MTUS2: variants seen among roughly 807,000 people sequenced by gnomAD.
MTUS2 encodes microtubule-associated tumor suppressor candidate 2.
Under a neutral mutation model 114.1 loss-of-function variants are expected in MTUS2, and 40 were observed. The observed-to-expected ratio is 0.35, with a 90% confidence interval of 0.27 to 0.46. The LOEUF (loss-of-function observed/expected upper bound fraction) is 0.46, where lower values mean the gene tolerates loss of function less well. MTUS2 is among the 20% of genes least tolerant of loss of function. MTUS2 has a pLI of 1.00. For synonymous variants in MTUS2, 688 were observed against 672.0 expected, an observed-to-expected ratio of 1.02 and a Z score of -0.37; for missense variants, 1,679 against 1,705.4, an observed-to-expected ratio of 0.98 and a Z score of 0.27.
At chr13:29,159,787 G>A (rs1241960363) in intron 5 of MTUS2, among the ~76,000 whole-genome samples, 2 of 152,166 alleles carry the variant, frequency 1.3e-5, no homozygotes, top group Non-Finnish European at 2.9e-5. Context: ...AAACAACAAT[G>A]TGATGTCACT....
At chr13:28,844,592 T>A (rs950233450) in intron 2 of MTUS2, among the ~76,000 whole-genome samples, 3 of 128,960 alleles carry the variant, frequency 2.3e-5, no homozygotes, top group South Asian at 2.1e-4. Context: ...TGTGTGTGAG[T>A]GTGTGTGTGT....
intron 2 of MTUS2, among the ~76,000 whole-genome samples, chr13:28,936,193 A>G (rs962727406): frequency 1.3e-5 from 2 of 152,184 alleles, no homozygotes; most frequent in African/African-American, 2.4e-5. Flanking sequence ...ATGTGATGTT[A>G]GCGGGAAAGC....
chr13:28,841,036 C>A (rs1005917634), intron 2 of MTUS2, among the ~76,000 whole-genome samples: 6 of 152,158 alleles, frequency 3.9e-5, no homozygotes, highest in Non-Finnish European at 8.8e-5. Flanking sequence ...TAGACCACCA[C>A]CTGTGTGATG....
At chr13:28,843,012 T>C (rs1395732529) in intron 2 of MTUS2, among the ~76,000 whole-genome samples, 1 of 152,210 alleles carries the variant, frequency 6.6e-6, no homozygotes, top group Non-Finnish European at 1.5e-5. Flanking sequence ...GCCACTAGGC[T>C]TTCCAGTCTC....
chr13:29,143,647 G>T (rs76968136), intron 5 of MTUS2, among the ~76,000 whole-genome samples: 2 of 152,118 alleles, frequency 1.3e-5, no homozygotes, highest in African/African-American at 4.8e-5. Flanking sequence ...GAGTTGATGG[G>T]GTGCCTCAGG....
intron 2 of MTUS2, among the ~76,000 whole-genome samples, chr13:28,994,656 G>A (rs905590133): frequency 6.6e-6 from 1 of 152,150 alleles, no homozygotes; most frequent in African/African-American, 2.4e-5. Flanking sequence ...GGCCAGTGAT[G>A]GTGAACGTTT....
At position 29,342,378 on chromosome 13, in the gene MTUS2, G is replaced by A. The variant is rs796829607; in HGVS notation, c.2906-16884G>A. ...TAGAGGTCTTTCACTCCTTAATTAG[G>A]TGTAATATATTTCCAAGTGTTTTTT... On this transcript the variant is annotated intron_variant, in intron 7 of 15. Transcript: ENST00000612955. 9.9e-5 allele frequency among the ~76,000 whole-genome samples: 15 copies of A among 151,990 alleles called. 1 individual carries two copies. Among genetic ancestry groups the A allele is most frequent in the African/African-American group, 2.9e-4 (12 of 41,514 alleles).
At chr13:28,865,674 T>C (rs1008912714) in intron 2 of MTUS2, among the ~76,000 whole-genome samples, 20 of 152,190 alleles carry the variant, frequency 1.3e-4, no homozygotes, top group Non-Finnish European at 2.9e-4. Flanking sequence ...TGGAATCTTC[T>C]GCACCATGGA....
intron 8 of MTUS2, among the ~76,000 whole-genome samples, chr13:29,387,099 T>G (rs140145412): frequency 9.4e-4 from 143 of 152,316 alleles, no homozygotes; most frequent in African/African-American, 3.2e-3. Context: ...GGGTAGCAGC[T>G]CCTGCCCTGA....
At chr13:29,061,523 G>A (rs1888418479) in intron 4 of MTUS2, among the ~76,000 whole-genome samples, 1 of 152,198 alleles carries the variant, frequency 6.6e-6, no homozygotes, top group Admixed American at 6.5e-5. Context: ...CTCTTATGCA[G>A]GTTTTTGGAT....
intron 2 of MTUS2, among the ~76,000 whole-genome samples, chr13:28,858,366 A>G (rs1473507520): frequency 6.6e-6 from 1 of 152,306 alleles, no homozygotes; most frequent in South Asian, 2.1e-4. Flanking sequence ...GGAGAAAACT[A>G]TATTAATTGC....
chr13:29,004,870 G>T (rs1885538391), intron 2 of MTUS2, among the ~76,000 whole-genome samples: 1 of 152,196 alleles, frequency 6.6e-6, no homozygotes, highest in South Asian at 2.1e-4. Flanking sequence ...GCAAATAGTT[G>T]TACAAGGTAG....
rs562625369 is a variant in MTUS2 at position 29,049,416 on chromosome 13, T to C, written c.2446+15291T>C. Among the ~76,000 whole-genome samples the C allele has an allele frequency of 6.6e-5, 10 of 152,266 alleles. No individual in the cohort carries two copies. In the Middle Eastern group the frequency reaches 0.01, roughly 155 times the overall value. ...TGACAGGCTGGCAGGATCACAGCTG[T>C]GGAGCTGTCAGTCATATGCCAAACA... On this transcript the variant is annotated intron_variant, in intron 4 of 15. Coordinates refer to ENST00000612955, the MANE Select transcript of MTUS2 (RefSeq NM_001033602.4).
At chr13:29,346,783 C>T (rs1377066949) in intron 7 of MTUS2, among the ~76,000 whole-genome samples, 2 of 146,764 alleles carry the variant, frequency 1.4e-5, no homozygotes, top group Non-Finnish European at 2.9e-5. Context: ...CCCAAGAACT[C>T]CTGAGAGACA....
chr13:29,297,452 C>G (rs1404438882), intron 6 of MTUS2, among the ~76,000 whole-genome samples: 1 of 152,120 alleles, frequency 6.6e-6, no homozygotes, highest in African/African-American at 2.4e-5. Flanking sequence ...TTAAGTAACC[C>G]CCACACCCCT....
chr13:29,235,104 TA>T (rs1262329024), intron 5 of MTUS2, among the ~76,000 whole-genome samples: 1 of 152,134 alleles, frequency 6.6e-6, no homozygotes, highest in Non-Finnish European at 1.5e-5. Flanking sequence ...ATTAATTAAT[TA>T]ATTTTTTTGA....
At chr13:28,971,410 A>G (rs1883851006) in intron 2 of MTUS2, among the ~76,000 whole-genome samples, 1 of 152,190 alleles carries the variant, frequency 6.6e-6, no homozygotes, top group South Asian at 2.1e-4. Context: ...GTCCGAAGGA[A>G]TCCTCAGGCT....
intron 2 of MTUS2, among the ~76,000 whole-genome samples, chr13:28,971,498 G>A (rs996133167): frequency 4.6e-5 from 7 of 152,118 alleles, no homozygotes; most frequent in Non-Finnish European, 7.3e-5. Context: ...AAGTTAATAG[G>A]TGAGAGAAAT....
intron 2 of MTUS2, among the ~76,000 whole-genome samples, chr13:28,927,835 C>T (rs191342145): frequency 1.1e-4 from 16 of 152,150 alleles, no homozygotes; most frequent in Admixed American, 8.5e-4. Context: ...AAGAAAAAGC[C>T]GGATGCATCA....
Sources: allele counts gnomAD v4.1 joint callset (sites outside exome capture counted in the v4.1 genomes callset), GRCh38; gene constraint gnomAD v4.1.1; transcripts MANE v1.5; gene names NCBI Gene and HGNC (gene_info 2026-07-23, HGNC 2026-07-21).